PRKN: variants seen among roughly 807,000 people sequenced by gnomAD.
The protein encoded by PRKN is parkin RBR E3 ubiquitin protein ligase, also known as E3 ubiquitin-protein ligase parkin.
PRKN carries 56 observed loss-of-function variants against 59.5 expected under a neutral mutation model. The ratio of observed to expected loss-of-function variants is 0.94; its 90% CI spans 0.76 to 1.18. PRKN has a LOEUF of 1.18. Among genes scored for constraint, PRKN ranks in the 50% most tolerant of loss-of-function variants. PRKN has a pLI of 0.00. For missense variants in PRKN, 657 were observed against 596.4 expected (o/e 1.10, Z -1.06); for synonymous variants, 250 against 222.1 (o/e 1.13, Z -1.12).
intron 3 of PRKN, among the ~76,000 whole-genome samples, chr6:162,207,544 G>T (rs907648239): frequency 1.3e-5 from 2 of 152,132 alleles, no homozygotes; most frequent in Non-Finnish European, 2.9e-5. Flanking sequence ...GCAGCCAACC[G>T]ATTCACTTGA....
chr6:161,459,095 G>A lies in PRKN; in HGVS notation c.1084-72218C>T, dbSNP rs76121588. Among the ~76,000 whole-genome samples, 4 of 152,122 alleles carry A rather than the reference G, an allele frequency of 2.6e-5. No homozygotes were observed. The highest frequency in any genetic ancestry group is 1.3e-4 in the Admixed American group (2 of 15,278). ...CAGAGAGTGTCTGCTGACAGCCAGG[G>A]CCTTGTTAGTGGCCCAGTAGCCAAA... On this transcript the variant is annotated intron_variant, in intron 9 of 11. Coordinates refer to ENST00000366898, the MANE Select transcript of PRKN (RefSeq NM_004562.3). The surrounding 1 kb of genome is among the most constrained non-coding windows in gnomAD (Gnocchi z 4.8).
At chr6:162,315,260 C>T (rs1014040154) in intron 2 of PRKN, among the ~76,000 whole-genome samples, 5 of 152,118 alleles carry the variant, frequency 3.3e-5, no homozygotes, top group African/African-American at 1.2e-4. Context: ...AACTGCATTA[C>T]AATTTTTCAA....
intron 2 of PRKN, among the ~76,000 whole-genome samples, chr6:162,439,851 A>G (rs913377697): frequency 1.3e-5 from 2 of 152,164 alleles, no homozygotes; most frequent in African/African-American, 4.8e-5. Flanking sequence ...CATATGAAAA[A>G]TATGTATTAA....
At position 161,388,612 on chromosome 6, in the gene PRKN, C is replaced by T. The variant is rs1254711044; in HGVS notation, c.1084-1735G>A. ...GGCTTTATGTCTCTTCTGCTGACAG[C>T]CAGATGTGTTGAGTACTTGACTCCT... On this transcript the variant is annotated intron_variant, in intron 9 of 11. Transcript: ENST00000366898. This position sits in a 1 kb window ranked among gnomAD's most constrained non-coding sequence, Gnocchi z 4.3. 6.6e-6 allele frequency among the ~76,000 whole-genome samples: 1 copy of T among 152,194 alleles called. No homozygotes were observed. Among genetic ancestry groups the T allele is most frequent in the Non-Finnish European group, 1.5e-5 (1 of 68,026 alleles).
intron 1 of PRKN, among the ~76,000 whole-genome samples, chr6:162,664,854 T>C (rs996124303): frequency 1.2e-4 from 19 of 152,190 alleles, no homozygotes; most frequent in Admixed American, 6.5e-5. Context: ...CTGATGATAG[T>C]TTCTTTTGCT....
At chr6:162,176,280 TTTTAAGTTGGTTGAGGCTAATTTAA>T (rs1783530501) in intron 4 of PRKN, among the ~76,000 whole-genome samples, 1 of 152,072 alleles carries the variant, frequency 6.6e-6, no homozygotes, top group Non-Finnish European at 1.5e-5. Context: ...TAGGCTAGTG[TTTTAAGTTGGTTGAGGCTAATTTAA>T]TTTAAGTTGG....
At chr6:162,220,412 G>C (rs1438089295) in intron 3 of PRKN, among the ~76,000 whole-genome samples, 1 of 152,104 alleles carries the variant, frequency 6.6e-6, no homozygotes, top group Non-Finnish European at 1.5e-5. Flanking sequence ...ACTACAGTCT[G>C]GAATCTTCAG....
intron 1 of PRKN, among the ~76,000 whole-genome samples, chr6:162,444,055 AC>A (rs1562769409): frequency 2.0e-5 from 3 of 152,012 alleles, no homozygotes; most frequent in African/African-American, 7.2e-5. Flanking sequence ...GGGGGTGGAG[AC>A]ACTAGTGACA....
In PRKN at chr6:162,014,458, C is replaced by T. The variant is rs918033454; in HGVS notation, c.618+39633G>A. 2.6e-5 allele frequency among the ~76,000 whole-genome samples: 4 copies of T among 152,296 alleles called. No homozygotes were observed. In the South Asian group the frequency reaches 6.2e-4, roughly 24 times the overall value. On this transcript the variant is annotated intron_variant, in intron 5 of 11. Coordinates refer to ENST00000366898, the MANE Select transcript of PRKN (RefSeq NM_004562.3). ...AGGGGAAACCTTGAAGACATGCTTC[C>T]TCACTGTGACTCAGTCCACTTTGAG...
intron 6 of PRKN, among the ~76,000 whole-genome samples, chr6:161,795,228 CT>C (rs58319044): frequency 1.3e-4 from 17 of 128,414 alleles, no homozygotes; most frequent in African/African-American, 4.1e-4. Context: ...GTTTTCTTTT[CT>C]TTTTTTTTTT....
intron 3 of PRKN, among the ~76,000 whole-genome samples, chr6:162,227,903 A>G (rs1466582336): frequency 1.3e-5 from 2 of 151,090 alleles, no homozygotes; most frequent in Non-Finnish European, 2.9e-5. Context: ...TGGACAAAGG[A>G]TGTTGTATTT....
At chr6:161,737,803 T>A (rs1788027099) in intron 7 of PRKN, among the ~76,000 whole-genome samples, 1 of 152,178 alleles carries the variant, frequency 6.6e-6, no homozygotes, top group African/African-American at 2.4e-5. Context: ...CAATCGCTGT[T>A]CAGGGCAGGA....
chr6:162,119,863 C>G (rs537960213), intron 4 of PRKN, among the ~76,000 whole-genome samples: 13 of 152,148 alleles, frequency 8.5e-5, no homozygotes, highest in Non-Finnish European at 1.8e-4. Context: ...GACTTTCACA[C>G]ACAAGGCTGT....
At chr6:161,572,793 T>C (rs185653238) in intron 7 of PRKN, among the ~76,000 whole-genome samples, 122 of 152,336 alleles carry the variant, frequency 8.0e-4, no homozygotes, top group African/African-American at 2.5e-3. Flanking sequence ...AAACAGATGC[T>C]TGAGCTGAGT....
intron 7 of PRKN, among the ~76,000 whole-genome samples, chr6:161,590,727 C>T (rs1347329430): frequency 6.9e-6 from 1 of 144,530 alleles, no homozygotes; most frequent in Non-Finnish European, 1.5e-5. Context: ...CAGAGTGAGA[C>T]TCTGTCTCAA....
intron 1 of PRKN, among the ~76,000 whole-genome samples, chr6:162,689,990 G>C (rs563308948): frequency 2.0e-5 from 3 of 152,192 alleles, no homozygotes; most frequent in Non-Finnish European, 2.9e-5. Flanking sequence ...TGAGGACTCA[G>C]AATAGGATGT....
At chr6:162,391,448 G>A (rs561805764) in intron 2 of PRKN, among the ~76,000 whole-genome samples, 4 of 150,754 alleles carry the variant, frequency 2.7e-5, no homozygotes, top group African/African-American at 7.3e-5. Flanking sequence ...TACTGCGCAT[G>A]CTTGACGTGG....
intron 7 of PRKN, among the ~76,000 whole-genome samples, chr6:161,696,489 G>A (rs554534478): frequency 1.3e-5 from 2 of 152,304 alleles, no homozygotes; most frequent in Admixed American, 6.5e-5. Context: ...GTTGAGGAAC[G>A]TATCTAAATC....
chr6:161,958,705 C>G, intron 6 of PRKN, among the ~76,000 whole-genome samples: 1 of 151,854 alleles, frequency 6.6e-6, no homozygotes, highest in African/African-American at 2.4e-5. Flanking sequence ...ATGGCAAAAC[C>G]CCATCTCTAC....
Sources: allele counts gnomAD v4.1 joint callset (sites outside exome capture counted in the v4.1 genomes callset), GRCh38; gene constraint gnomAD v4.1.1; non-coding constraint Gnocchi (gnomAD v3.1); transcripts MANE v1.5; gene names NCBI Gene and HGNC (gene_info 2026-07-23, HGNC 2026-07-21).